The following PHF21A variants were observed in gnomAD, a reference collection of about 807,000 sequenced individuals.
The protein encoded by PHF21A is PHD finger protein 21A.
Under a neutral mutation model 82.5 loss-of-function variants are expected in PHF21A, and 11 were observed. That is an observed-to-expected ratio of 0.13 (90% CI 0.08 to 0.22). PHF21A has a LOEUF of 0.22. Among genes scored for constraint, PHF21A ranks in the 10% least tolerant of loss-of-function variants. PHF21A has a pLI of 1.00. For missense variants in PHF21A, 579 were observed against 837.8 expected (o/e 0.69, Z 3.81); for synonymous variants, 297 against 302.8 (o/e 0.98, Z 0.20).
At chr11:45,946,058 G>GA (rs761628740) in intron 14 of PHF21A, 55 bp from the exon 15 acceptor site, 1 of 1,608,414 alleles carries the variant, frequency 6.2e-7, no homozygotes, top group East Asian at 2.2e-5. Flanking sequence ...AAGAGAGGGG[G>GA]AAAATGATCT....
intron 6 of PHF21A, among the ~76,000 whole-genome samples, chr11:46,035,877 G>A (rs763782838): frequency 6.6e-6 from 1 of 152,192 alleles, no homozygotes; most frequent in Non-Finnish European, 1.5e-5. Context: ...TGCGAGCCAC[G>A]TTAAGATTTT....
intron 6 of PHF21A, among the ~76,000 whole-genome samples, chr11:46,072,748 C>A (rs1006197173): frequency 1.3e-5 from 2 of 152,110 alleles, no homozygotes; most frequent in Non-Finnish European, 2.9e-5. Flanking sequence ...TGACATGAAA[C>A]CTCACCAGGA....
chr11:46,034,423 T>C (rs1410360577), intron 6 of PHF21A, among the ~76,000 whole-genome samples: 2 of 152,214 alleles, frequency 1.3e-5, no homozygotes, highest in African/African-American at 4.8e-5. Flanking sequence ...TATCCTCTTA[T>C]GTTATTAGGT....
At chr11:46,049,676 G>A (rs556430292) in intron 6 of PHF21A, among the ~76,000 whole-genome samples, 19 of 152,318 alleles carry the variant, frequency 1.2e-4, no homozygotes, top group African/African-American at 4.3e-4. Flanking sequence ...AGCTGCAAGT[G>A]ACAAAGAGCA....
Position 46,042,136 on chromosome 11 carries a change from G to C in PHF21A, c.153+34618C>G, listed in dbSNP as rs2096157569. On this transcript the variant is annotated intron_variant, in intron 6 of 18. Coordinates refer to ENST00000676320, the MANE Select transcript of PHF21A (RefSeq NM_001352027.3). ...AGAAGCACCAGTTCAATATTATCCTGGTTATTTTTTAGGGTGCCAGGCAAC... is the reference window on the plus strand; with the variant it reads ...AGAAGCACCAGTTCAATATTATCCTCGTTATTTTTTAGGGTGCCAGGCAAC... Among the ~76,000 whole-genome samples the C allele has an allele frequency of 3.3e-5, 5 of 152,144 alleles. No homozygotes were observed. The South Asian group carries it at 1.0e-3, about 32-fold the overall frequency.
intron 6 of PHF21A, among the ~76,000 whole-genome samples, chr11:46,001,428 T>C (rs1294679137): frequency 6.6e-6 from 1 of 151,686 alleles, no homozygotes. Context: ...TCTAATGAGA[T>C]AAGCCCACAT....
chr11:45,984,627 T>C (rs2094433690), intron 6 of PHF21A, among the ~76,000 whole-genome samples: 1 of 152,192 alleles, frequency 6.6e-6, no homozygotes, highest in Admixed American at 6.5e-5. Flanking sequence ...ATGGCTTTTG[T>C]CAACAGAGAA....
chr11:46,026,004 A>C (rs973166545), intron 6 of PHF21A, among the ~76,000 whole-genome samples: 3 of 152,224 alleles, frequency 2.0e-5, no homozygotes, highest in Admixed American at 1.3e-4. Flanking sequence ...AGATTTTGAC[A>C]ATGTCCCAAG....
At chr11:46,034,262 T>C (rs555521298) in intron 6 of PHF21A, among the ~76,000 whole-genome samples, 81 of 151,696 alleles carry the variant, frequency 5.3e-4, no homozygotes, top group African/African-American at 1.9e-3. Flanking sequence ...GCTCATACTT[T>C]TCTTAGAGAT....
In PHF21A at chr11:46,004,327, A is replaced by G. The variant is rs1042306991; in HGVS notation, c.154-24361T>C. The stretch of plus-strand genomic sequence containing the variant: ...TCTGACATCACAGATGGTGTTTTCT[A>G]TATAACAAAGTGAATCAATTTGAGA... On this transcript the variant is annotated intron_variant, in intron 6 of 18. Transcript: ENST00000676320. Among the ~76,000 whole-genome samples, 3 of 152,220 alleles carry G rather than the reference A, an allele frequency of 2.0e-5. No individual in the cohort carries two copies. In the South Asian group the frequency reaches 6.2e-4, roughly 31 times the overall value.
In PHF21A at chr11:46,037,568, G is replaced by A. The variant is rs932227792; in HGVS notation, c.153+39186C>T. ...AGGCAGGACAATCGCTTGAATCCGG[G>A]AGCCGCCTCTGTTGCGGTGAGCCGA... On this transcript the variant is annotated intron_variant, in intron 6 of 18. Coordinates refer to ENST00000676320, the MANE Select transcript of PHF21A (RefSeq NM_001352027.3). Among the ~76,000 whole-genome samples the A allele has an allele frequency of 3.3e-5, 5 of 151,336 alleles. No homozygotes were observed. The East Asian group carries it at 5.8e-4, about 18-fold the overall frequency.
chr11:45,938,518 T>TC (rs962984536), intron 15 of PHF21A, among the ~76,000 whole-genome samples: 9 of 151,862 alleles, frequency 5.9e-5, no homozygotes, highest in African/African-American at 2.2e-4. Flanking sequence ...AGTACAATAG[T>TC]CCCCCCTTAT....
intron 1 of PHF21A, among the ~76,000 whole-genome samples, chr11:46,103,424 C>A (rs1308502108): frequency 6.6e-6 from 1 of 152,152 alleles, no homozygotes; most frequent in African/African-American, 2.4e-5. Flanking sequence ...AACTATACAA[C>A]CCATTATAAA....
At chr11:45,955,066 C>T (rs1591189436) in intron 10 of PHF21A, among the ~76,000 whole-genome samples, 1 of 152,200 alleles carries the variant, frequency 6.6e-6, no homozygotes, top group Admixed American at 6.5e-5. Context: ...GGCACAAATG[C>T]GGCTTTGTAA....
In PHF21A at chr11:45,929,609, C is replaced by G. The variant is rs113392556; in HGVS notation, c.*4359G>C. On this transcript the variant is annotated 3_prime_UTR_variant, in exon 19 of 19. Transcript: ENST00000676320. ...CAGCTCACCCTGGGCTGAGGACCCA[C>G]GGACACCGGAGAGAGGTGAGGGTCC... 3 of 152,308 alleles carry G rather than the reference C, an allele frequency of 2.0e-5. No homozygotes were observed. The highest frequency in any genetic ancestry group is 3.4e-3 in the Middle Eastern group (1 of 296). 9.4% of individuals were successfully genotyped at this position (152,308 alleles called of 1,614,324 possible). A position where few individuals can be genotyped will look rare whatever the true frequency, so the allele number is the denominator to read the frequency against.
At chr11:45,958,159 T>C (rs1473459600) in intron 10 of PHF21A, among the ~76,000 whole-genome samples, 1 of 151,546 alleles carries the variant, frequency 6.6e-6, no homozygotes, top group Non-Finnish European at 1.5e-5. Flanking sequence ...GATCAGATGG[T>C]TTTATTAGTG....
At chr11:46,075,995 GA>G (rs1368855254) in intron 6 of PHF21A, among the ~76,000 whole-genome samples, 2 of 152,150 alleles carry the variant, frequency 1.3e-5, no homozygotes, top group Non-Finnish European at 2.9e-5. Flanking sequence ...CTCCAAGACA[GA>G]AAACCACTCT....
intron 17 of PHF21A, among the ~76,000 whole-genome samples, chr11:45,935,942 G>A (rs1024068516): frequency 1.2e-4 from 19 of 152,008 alleles, no homozygotes; most frequent in African/African-American, 4.6e-4. Context: ...CTTGGGTCTG[G>A]CTTTACATAA....
chr11:45,936,926 C>G (rs2089222523), intron 16 of PHF21A: 1 of 197,102 alleles, frequency 5.1e-6, no homozygotes, highest in Admixed American at 5.5e-5. Context: ...CAGCCACTGG[C>G]AGTTTCGTCC....
Sources: allele counts gnomAD v4.1 joint callset (sites outside exome capture counted in the v4.1 genomes callset), GRCh38; gene constraint gnomAD v4.1.1; transcripts MANE v1.5; gene names NCBI Gene and HGNC (gene_info 2026-07-23, HGNC 2026-07-21).